The following PUS10 variants were observed in gnomAD, a reference collection of about 807,000 sequenced individuals.
PUS10 encodes pseudouridine synthase 10.
A neutral mutation model predicts 75.0 loss-of-function variants in PUS10; 59 were observed. That is an observed-to-expected ratio of 0.79 (90% CI 0.64 to 0.98). The LOEUF (loss-of-function observed/expected upper bound fraction) is 0.98, where lower values mean the gene tolerates loss of function less well. Among genes scored for constraint, PUS10 ranks in the 50% least tolerant of loss-of-function variants. The pLI, the probability that PUS10 is intolerant of heterozygous loss-of-function variation, is 0.00. For missense variants in PUS10, 650 were observed against 614.4 expected, an observed-to-expected ratio of 1.06 and a Z score of -0.61; for synonymous variants, 219 against 211.6, an observed-to-expected ratio of 1.03 and a Z score of -0.30.
At chr2:61,001,794 T>A (rs768803933) in intron 4 of PUS10, among the ~76,000 whole-genome samples, 1 of 152,214 alleles carries the variant, frequency 6.6e-6, no homozygotes, top group Non-Finnish European at 1.5e-5. Context: ...TTCATTCAGA[T>A]GTATTTTCCC....
chr2:60,972,632 A>G lies in PUS10; in HGVS notation c.469-1075T>C, dbSNP rs777284357. Among the ~76,000 whole-genome samples the G allele has an allele frequency of 6.1e-4, 93 of 152,356 alleles. 1 individual carries two copies. The highest frequency in any genetic ancestry group is 6.2e-4 in the Non-Finnish European group (42 of 68,034). On this transcript the variant is annotated intron_variant, in intron 4 of 17. Transcript: ENST00000316752. Reference sequence around the variant, plus strand: ...ACAGCATTTTGTAAACATGACGGAAACATTGTATAAGTCAATAAATACCAC... The same window carrying G: ...ACAGCATTTTGTAAACATGACGGAAGCATTGTATAAGTCAATAAATACCAC...
chr2:61,016,118 A>T lies in PUS10; in HGVS notation c.-16+1890T>A, dbSNP rs77350738. ...CAATGTTTATTTTTCCAGTAAGTTCACAAGAACAAAGGTATCATGCAAAGT... is the reference window on the plus strand; with the variant it reads ...CAATGTTTATTTTTCCAGTAAGTTCTCAAGAACAAAGGTATCATGCAAAGT... On this transcript the variant is annotated intron_variant, in intron 1 of 17. Coordinates refer to ENST00000316752, the MANE Select transcript of PUS10 (RefSeq NM_144709.4). Among the ~76,000 whole-genome samples the T allele has an allele frequency of 2.4e-4, 36 of 152,352 alleles. No homozygotes were observed. The East Asian group carries it at 5.6e-3, about 24-fold the overall frequency.
At chr2:60,951,223 T>G (rs1675320650) in intron 15 of PUS10, among the ~76,000 whole-genome samples, 1 of 152,182 alleles carries the variant, frequency 6.6e-6, no homozygotes, top group Admixed American at 6.6e-5. Flanking sequence ...TACATATATA[T>G]GCGTTTGTGT....
rs1338790714 is a variant in PUS10 at position 60,940,938 on chromosome 2, C to T, written c.*1457G>A. 6.6e-6 allele frequency: 1 copy of T among 152,256 alleles called. No homozygotes were observed. The highest frequency in any genetic ancestry group is 1.5e-5 in the Non-Finnish European group (1 of 67,984). 9.4% of individuals were successfully genotyped at this position (152,256 alleles called of 1,614,324 possible). On this transcript the variant is annotated 3_prime_UTR_variant, in exon 18 of 18. Coordinates refer to ENST00000316752, the MANE Select transcript of PUS10 (RefSeq NM_144709.4). ...AACGTGGTATGAAACTATGTTGGTT[C>T]CAACGTGGCTGACTCCTTTGTGTCC...
chr2:61,008,734 A>G (rs1679401549), intron 3 of PUS10, 27 bp downstream of exon 3: 7 of 1,486,628 alleles, frequency 4.7e-6, no homozygotes, highest in Non-Finnish European at 5.5e-6. Context: ...ACATAATTGC[A>G]CCTATAATGA....
intron 4 of PUS10, among the ~76,000 whole-genome samples, chr2:60,993,552 A>C (rs1357439296): frequency 2.0e-5 from 3 of 152,180 alleles, no homozygotes; most frequent in African/African-American, 7.2e-5. Context: ...ACATAATGGC[A>C]AGGAGAAAGA....
chr2:61,014,890 C>A (rs537128546), intron 1 of PUS10, among the ~76,000 whole-genome samples: 1 of 152,288 alleles, frequency 6.6e-6, no homozygotes, highest in African/African-American at 2.4e-5. Context: ...ATGTTTGGGG[C>A]CACTTACCAA....
intron 4 of PUS10, among the ~76,000 whole-genome samples, chr2:60,987,701 T>C: frequency 6.6e-6 from 1 of 152,066 alleles, no homozygotes; most frequent in East Asian, 1.9e-4. Flanking sequence ...AGCGGGCAGA[T>C]CACTTGAGGT....
intron 6 of PUS10, 120 bp from the exon 7 acceptor site, chr2:60,965,604 G>A (rs956460082): frequency 2.9e-6 from 2 of 688,624 alleles, no homozygotes; most frequent in Non-Finnish European, 2.4e-6. Flanking sequence ...CAGAAAAACT[G>A]GAAATACTAC....
intron 10 of PUS10, among the ~76,000 whole-genome samples, chr2:60,961,082 C>G (rs1057307074): frequency 3.9e-5 from 6 of 152,180 alleles, no homozygotes; most frequent in African/African-American, 1.4e-4. Context: ...AGTGTTTAGT[C>G]ATTTTGGAGA....
At position 61,009,015 on chromosome 2, in the gene PUS10, C is replaced by A; in HGVS notation, c.127G>T (p.Glu43Ter). Residue 43 changes from glutamate (E) to a stop codon, truncating the protein, a stop_gained and splice_region_variant, in exon 3 of 18, where the codon GAG becomes TAG. Transcript: ENST00000316752. LOFTEE classifies it high-confidence loss of function. ...AATTTCTGTAGTTCATTGAGCAACT[C>A]CTGGAAAGTTAATGAAAGAAAAAGT... ...FHAPYKLPYK[E>*]LLNELQKFLE... 1.9e-6 allele frequency: 3 copies of A among 1,606,852 alleles called. No homozygotes were observed. Among genetic ancestry groups the A allele is most frequent in the Non-Finnish European group, 2.5e-6 (3 of 1,177,602 alleles).
chr2:60,943,152 C>A, intron 17 of PUS10, among the ~76,000 whole-genome samples: 1 of 151,840 alleles, frequency 6.6e-6, no homozygotes, highest in Non-Finnish European at 1.5e-5. Flanking sequence ...TTTTTATTCT[C>A]TCATCTTGCA....
At chr2:60,971,190 AAT>A (rs1676640670) in intron 5 of PUS10, among the ~76,000 whole-genome samples, 1 of 151,338 alleles carries the variant, frequency 6.6e-6, no homozygotes, top group African/African-American at 2.4e-5. Flanking sequence ...AAAAAAAAAA[AAT>A]AATAATAATA....
rs540006231 is a variant in PUS10 at position 60,987,721 on chromosome 2, G to A, written c.469-16164C>T. 2.6e-5 allele frequency among the ~76,000 whole-genome samples: 4 copies of A among 152,226 alleles called. No individual in the cohort carries two copies. In the East Asian group the frequency reaches 5.8e-4, roughly 22 times the overall value. On this transcript the variant is annotated intron_variant, in intron 4 of 17. Transcript: ENST00000316752. Reference sequence around the variant, plus strand: ...GCAGATCACTTGAGGTCAGGAGTTCGAGACAAGCTTGGCCAACATCACGAA... The same window carrying A: ...GCAGATCACTTGAGGTCAGGAGTTCAAGACAAGCTTGGCCAACATCACGAA...
chr2:61,009,709 C>T, intron 2 of PUS10: 1 of 152,344 alleles, frequency 6.6e-6, no homozygotes, highest in East Asian at 1.9e-4. Flanking sequence ...TCAGATATTC[C>T]TCTCATCAAA....
chr2:60,947,843 A>G (rs1329269196), intron 16 of PUS10, among the ~76,000 whole-genome samples, 200 bp downstream of exon 16: 1 of 151,300 alleles, frequency 6.6e-6, no homozygotes, highest in Non-Finnish European at 1.5e-5. Flanking sequence ...AAAAAAAAAA[A>G]AAAAAAAGAA....
In PUS10 at chr2:60,948,104, T is replaced by G; in HGVS notation, c.1390A>C (p.Met464Leu). Residue 464 changes from methionine to leucine, a missense_variant, in exon 16 of 18, where the codon ATG (methionine) becomes CTG (leucine). Physicochemically the swap from Met to Leu is conservative, Grantham distance 15 (BLOSUM62 2). Coordinates refer to ENST00000316752, the MANE Select transcript of PUS10 (RefSeq NM_144709.4). ...TGCTCATCCACGTACTGTGTCTCCA[T>G]GAAGTGAATGACGCGAGCTCGCACA... ...LAVRARVIHF[M>L]ETQYVDEHHF... is the part of the protein sequence containing the mutation. The G allele has an allele frequency of 2.5e-6, 4 of 1,614,056 alleles. No individual in the cohort carries two copies. The highest frequency in any genetic ancestry group is 3.4e-6 in the Non-Finnish European group (4 of 1,179,994).
At chr2:60,993,322 C>T (rs879369798) in intron 4 of PUS10, among the ~76,000 whole-genome samples, 12 of 151,890 alleles carry the variant, frequency 7.9e-5, no homozygotes, top group South Asian at 2.1e-4. Context: ...CCAGGTGTGG[C>T]GGCACATGGC....
At chr2:60,962,257 T>A (rs1676069380) in intron 9 of PUS10, among the ~76,000 whole-genome samples, 1 of 152,152 alleles carries the variant, frequency 6.6e-6, no homozygotes, top group African/African-American at 2.4e-5. Flanking sequence ...CACACTACCC[T>A]CTTCTAAAAG....
Sources: allele counts gnomAD v4.1 joint callset (sites outside exome capture counted in the v4.1 genomes callset), GRCh38; gene constraint gnomAD v4.1.1; transcripts MANE v1.5; gene names NCBI Gene and HGNC (gene_info 2026-07-23, HGNC 2026-07-21).